Variants in INPP5B observed in about 807,000 individuals in gnomAD.
INPP5B encodes the protein type II inositol 1,4,5-trisphosphate 5-phosphatase.
Under a neutral mutation model 118.5 loss-of-function variants are expected in INPP5B, and 90 were observed. The observed-to-expected ratio is 0.76, with a 90% CI of 0.64 to 0.90. The LOEUF is 0.90. Among genes scored for constraint, INPP5B ranks in the 40% least tolerant of loss-of-function variants. INPP5B has a pLI of 0.00. For missense variants in INPP5B, 984 were observed against 1,125.6 expected (o/e 0.87, Z 1.80); for synonymous variants, 385 against 418.9 (o/e 0.92, Z 0.99).
At chr1:37,871,179 C>T (rs977069899) in intron 19 of INPP5B, among the ~76,000 whole-genome samples, 1 of 140,832 alleles carries the variant, frequency 7.1e-6, no homozygotes, top group Non-Finnish European at 1.5e-5. Flanking sequence ...AAAAAAAGGC[C>T]GGGCGCAGTG....
intron 7 of INPP5B, among the ~76,000 whole-genome samples, chr1:37,906,453 C>T (rs1194297659): frequency 6.6e-6 from 1 of 152,204 alleles, no homozygotes; most frequent in Non-Finnish European, 1.5e-5. Context: ...ATTCTTGCTG[C>T]ACTTTATACA....
intron 7 of INPP5B, 168 bp downstream of exon 7, chr1:37,931,745 G>T: frequency 6.3e-7 from 1 of 1,595,852 alleles, no homozygotes. Flanking sequence ...TCCTCATCCC[G>T]CCGCCCGTCC....
intron 19 of INPP5B, among the ~76,000 whole-genome samples, chr1:37,871,945 T>C (rs1476383291): frequency 6.7e-6 from 1 of 148,458 alleles, no homozygotes; most frequent in Admixed American, 6.8e-5. Flanking sequence ...ATGCCTGTAG[T>C]CCCAGCTACT....
At chr1:37,896,041 C>T (rs1207562121) in intron 7 of INPP5B, among the ~76,000 whole-genome samples, 4 of 150,186 alleles carry the variant, frequency 2.7e-5, no homozygotes, top group South Asian at 2.1e-4. Flanking sequence ...CGTCTCTGCC[C>T]GGCCGCCATC....
chr1:37,932,485 C>G (rs2148666676), intron 6 of INPP5B, among the ~76,000 whole-genome samples: 1 of 151,096 alleles, frequency 6.6e-6, no homozygotes, highest in South Asian at 2.1e-4. Context: ...TCTCCTGCCT[C>G]AGCCTCCCGA....
rs1557630416 is a variant in INPP5B at position 37,875,661 on chromosome 1, G to A, written c.1733C>T (p.Ser578Phe). 3 of 1,614,166 alleles carry A rather than the reference G, an allele frequency of 1.9e-6. No individual in the cohort carries two copies. The highest frequency in any genetic ancestry group is 2.5e-6 in the Non-Finnish European group (3 of 1,180,028). ...GTTGGCATTTTCCATCTTATCCAGG[G>A]AGCGAACAATTTCCTCCAGTGTCTT... is the stretch of plus-strand genomic sequence containing the variant. ...YRKTLEEIVRSLDKMENANIP... is the reference protein window; with the variant it reads ...YRKTLEEIVRFLDKMENANIP... Residue 578 changes from serine (S) to phenylalanine (F), a missense_variant, in exon 17 of 24, where the codon TCC becomes TTC. Coordinates refer to ENST00000373024, the MANE Select transcript of INPP5B (RefSeq NM_005540.3).
chr1:37,882,488 T>C (rs1643265995), intron 14 of INPP5B, among the ~76,000 whole-genome samples: 1 of 152,218 alleles, frequency 6.6e-6, no homozygotes, highest in Admixed American at 6.5e-5. Context: ...ATCTTAAATA[T>C]ACCAAGTCCT....
chr1:37,939,884 G>A (rs1253547686), intron 6 of INPP5B, among the ~76,000 whole-genome samples: 2 of 152,022 alleles, frequency 1.3e-5, no homozygotes, highest in Non-Finnish European at 2.9e-5. Flanking sequence ...TTGGGATTAC[G>A]AGCAAGCTAC....
intron 7 of INPP5B, 174 bp downstream of exon 7, chr1:37,931,739 C>G (rs770585809): frequency 2.2e-4 from 346 of 1,593,092 alleles, no homozygotes; most frequent in Non-Finnish European, 2.7e-4. Context: ...TCAAGCTCCT[C>G]ATCCCGCCGC....
Position 37,874,131 on chromosome 1 carries a change from T to C in INPP5B, c.1813A>G (p.Met605Val). 2 of 1,578,852 alleles carry C rather than the reference T, an allele frequency of 1.3e-6. No homozygotes were observed. The highest frequency in any genetic ancestry group is 1.7e-6 in the Non-Finnish European group (2 of 1,153,572). Reference sequence around the variant, plus strand: ...GTAAAGGATTCTACTTTCAATTGCATGTACTTCACATTCTGAAAACAGAAC... The same window carrying C: ...GTAAAGGATTCTACTTTCAATTGCACGTACTTCACATTCTGAAAACAGAAC... ...REFCFQNVKY[M>V]QLKVESFTIH... The change falls in exon 18 of 24, where the codon ATG becomes GTG. Residue 605 changes from methionine (M) to valine (V), a missense_variant. Around this residue, in one of 2 missense-constraint regions of INPP5B, gnomAD observed 634 missense variants for 791.0 expected, o/e 0.80. Coordinates refer to ENST00000373024, the MANE Select transcript of INPP5B (RefSeq NM_005540.3).
At chr1:37,897,756 A>G (rs1489632889) in intron 7 of INPP5B, among the ~76,000 whole-genome samples, 1 of 151,656 alleles carries the variant, frequency 6.6e-6, no homozygotes, top group Non-Finnish European at 1.5e-5. Context: ...TAATAATAAT[A>G]AAATAAAATT....
chr1:37,934,668 G>T (rs1230522448), intron 6 of INPP5B, among the ~76,000 whole-genome samples: 1 of 152,188 alleles, frequency 6.6e-6, no homozygotes, highest in African/African-American at 2.4e-5. Flanking sequence ...TCCCCATCAT[G>T]ACAAGCACTC....
chr1:37,891,358 C>G lies in INPP5B; in HGVS notation c.629G>C (p.Arg210Thr), dbSNP rs1209999905. The G allele has an allele frequency of 6.2e-7, 1 of 1,611,978 alleles. No homozygotes were observed. Among genetic ancestry groups the G allele is most frequent in the Admixed American group, 1.7e-5 (1 of 59,998 alleles). The change falls in exon 8 of 24, where the codon AGA (arginine) becomes ACA (threonine). Residue 210 changes from arginine (R) to threonine (T), a missense_variant and splice_region_variant. Around this residue, in one of 2 missense-constraint regions of INPP5B, gnomAD observed 350 missense variants for 334.6 expected, o/e 1.05. Coordinates refer to ENST00000373024, the MANE Select transcript of INPP5B (RefSeq NM_005540.3). ...ACAAGTGAAGGGAGAGTTGCATTAC[C>G]TTGGTTGCAAGCTTTCTGGTTTATC... ...GQDKPESLQP[R>T]QNKSKSEITD...
intron 7 of INPP5B, among the ~76,000 whole-genome samples, chr1:37,903,743 A>G (rs1644410655): frequency 1.3e-5 from 2 of 149,164 alleles, no homozygotes; most frequent in South Asian, 4.3e-4. Context: ...AAAAAAAATT[A>G]GCTGGGCATG....
At chr1:37,930,301 T>C (rs1481444914) in intron 7 of INPP5B, 1 of 152,212 alleles carries the variant, frequency 6.6e-6, no homozygotes, top group East Asian at 1.9e-4. Flanking sequence ...TCTCTGTTTT[T>C]TGAAAGGAAA....
chr1:37,891,249 T>G, intron 8 of INPP5B, 109 bp downstream of exon 8: 1 of 629,746 alleles, frequency 1.6e-6, no homozygotes, highest in Non-Finnish European at 2.7e-6. Flanking sequence ...AAAAGGACAC[T>G]TCCTAGGCCA....
intron 20 of INPP5B, 45 bp downstream of exon 20, chr1:37,868,456 G>T: frequency 1.5e-6 from 2 of 1,319,716 alleles, no homozygotes; most frequent in African/African-American, 2.9e-5. Context: ...TGGTCCTCAA[G>T]GCAGCCTGGC....
chr1:37,882,787 G>A lies in INPP5B; in HGVS notation c.1431+20C>T. 1.9e-6 allele frequency: 3 copies of A among 1,576,828 alleles called. No homozygotes were observed. Among genetic ancestry groups the A allele is most frequent in the South Asian group, 1.1e-5 (1 of 90,318 alleles). Reference sequence around the variant, plus strand: ...GGTGGAGGACAGCTGCTGGAAGAGGGCACAGGTGGCCATCTGTACCTGATC... The same window carrying A: ...GGTGGAGGACAGCTGCTGGAAGAGGACACAGGTGGCCATCTGTACCTGATC... On this transcript the variant is annotated intron_variant, in intron 14 of 23. Coordinates refer to ENST00000373024, the MANE Select transcript of INPP5B (RefSeq NM_005540.3).
chr1:37,944,978 A>G (rs1310879429), intron 3 of INPP5B, among the ~76,000 whole-genome samples: 1 of 152,044 alleles, frequency 6.6e-6, no homozygotes, highest in Non-Finnish European at 1.5e-5. Context: ...GCTCAAGATC[A>G]TGTGGTTCCA....
Sources: allele counts gnomAD v4.1 joint callset (sites outside exome capture counted in the v4.1 genomes callset), GRCh38; gene constraint gnomAD v4.1.1; regional missense constraint gnomAD v4.1.1; transcripts MANE v1.5; gene names NCBI Gene and HGNC (gene_info 2026-07-23, HGNC 2026-07-21).